The following AFF2 variants were observed in gnomAD, a reference collection of about 807,000 sequenced individuals.
AFF2 encodes AF4/FMR2 family member 2.
In AFF2, 14 loss-of-function variants were observed where a neutral mutation model predicts 76.9. That is an observed-to-expected ratio of 0.18 (90% CI 0.12 to 0.28). The LOEUF (loss-of-function observed/expected upper bound fraction) is 0.28, where lower values mean the gene tolerates loss of function less well. Among genes scored for constraint, AFF2 ranks in the 10% least tolerant of loss-of-function variants. The probability of loss-of-function intolerance (pLI) is 1.00; values close to 1 mark genes in which losing one functional copy is unlikely to be tolerated. For synonymous variants in AFF2, 398 were observed against 366.7 expected (o/e 1.09, Z -0.98); for missense variants, 868 against 1,001.1 (o/e 0.87, Z 1.79).
chrX:148,821,052 C>A (rs1557272498), intron 4 of AFF2, among the ~76,000 whole-genome samples: 2 of 110,453 alleles, frequency 1.8e-5, no homozygotes, highest in African/African-American at 6.6e-5. Context: ...TTGAGGGGCA[C>A]TTATAGAGGG....
chrX:148,736,156 T>C (rs1162450153), intron 3 of AFF2, among the ~76,000 whole-genome samples: 1 of 112,316 alleles, frequency 8.9e-6, no homozygotes, highest in Non-Finnish European at 1.9e-5. Flanking sequence ...CTGGATCAAA[T>C]GGTAGTTCTA....
intron 3 of AFF2, among the ~76,000 whole-genome samples, chrX:148,697,288 A>G (rs1338966452): frequency 1.8e-5 from 2 of 112,626 alleles, no homozygotes; most frequent in Non-Finnish European, 3.7e-5. Context: ...AATTTTTAAT[A>G]TACCAAATGT....
intron 3 of AFF2, 129 bp downstream of exon 3, chrX:148,662,897 G>A (rs2054322646): frequency 5.6e-6 from 4 of 710,345 alleles, no homozygotes; most frequent in Middle Eastern, 4.2e-4. Flanking sequence ...TTCAAGTTCA[G>A]GGTCTGAATT....
chrX:148,958,970 G>A (rs1337206636), intron 12 of AFF2, among the ~76,000 whole-genome samples: 2 of 97,457 alleles, frequency 2.1e-5, no homozygotes, highest in Non-Finnish European at 4.1e-5. Flanking sequence ...AGCTATGTCC[G>A]GAACTCCACA....
intron 1 of AFF2, among the ~76,000 whole-genome samples, chrX:148,577,332 T>C (rs2053301095): frequency 8.9e-6 from 1 of 112,312 alleles, no homozygotes; most frequent in East Asian, 2.8e-4. Context: ...AACCAGGCAA[T>C]AGCAAAAAGC....
intron 3 of AFF2, among the ~76,000 whole-genome samples, chrX:148,735,477 T>G (rs1307426069): frequency 8.9e-6 from 1 of 112,062 alleles, no homozygotes; most frequent in East Asian, 2.8e-4. Context: ...ATGAGAATAT[T>G]AAAATTTGTT....
intron 16 of AFF2, among the ~76,000 whole-genome samples, chrX:148,975,371 G>A (rs968906486): frequency 1.8e-5 from 2 of 112,176 alleles, no homozygotes; most frequent in African/African-American, 6.5e-5. Flanking sequence ...TACATAGTAG[G>A]ACACTCAACA....
At chrX:148,835,091 A>T (rs1379355517) in intron 4 of AFF2, among the ~76,000 whole-genome samples, 1 of 112,092 alleles carries the variant, frequency 8.9e-6, no homozygotes, top group Non-Finnish European at 1.9e-5. Context: ...AGATAATCAG[A>T]TTCTGCCTCC....
In AFF2 at chrX:148,665,783, G is replaced by A. The variant is rs1420281560; in HGVS notation, c.1041+3015G>A. ...CAGCCCCAGTTCCTGGCGCCAAGGA[G>A]TTTCAGGCACTAGGTTCCGGGTCTC... On this transcript the variant is annotated intron_variant, in intron 3 of 20. Transcript: ENST00000370460. 3.6e-5 allele frequency among the ~76,000 whole-genome samples: 4 copies of A among 112,000 alleles called. No individual in the cohort carries two copies. In the Admixed American group the frequency reaches 3.8e-4, roughly 11 times the overall value.
intron 1 of AFF2, among the ~76,000 whole-genome samples, chrX:148,579,705 G>A (rs2053332148): frequency 1.8e-5 from 2 of 111,948 alleles, no homozygotes; most frequent in African/African-American, 6.5e-5. Context: ...TGCATGCAGT[G>A]TGTGGAAACC....
intron 5 of AFF2, among the ~76,000 whole-genome samples, chrX:148,838,497 C>T (rs782431893): frequency 8.9e-5 from 10 of 111,797 alleles, no homozygotes; most frequent in Non-Finnish European, 1.7e-4. Context: ...GTATCTAACA[C>T]TCCCCTGGGG....
chrX:148,560,336 A>G (rs782390275), intron 1 of AFF2, among the ~76,000 whole-genome samples: 21 of 112,081 alleles, frequency 1.9e-4, no homozygotes, highest in Middle Eastern at 4.6e-3. Flanking sequence ...CCATATGCAG[A>G]AAACTGAAAC....
At chrX:148,911,493 G>A (rs1016464247) in intron 9 of AFF2, among the ~76,000 whole-genome samples, 1 of 111,428 alleles carries the variant, frequency 9.0e-6, no homozygotes, top group African/African-American at 3.3e-5. Flanking sequence ...AGAATAAAAG[G>A]CTCCAGCACC....
At chrX:148,580,069 C>G (rs1453982033) in intron 1 of AFF2, among the ~76,000 whole-genome samples, 1 of 112,036 alleles carries the variant, frequency 8.9e-6, no homozygotes, top group African/African-American at 3.2e-5. Context: ...TTGGTAAGAG[C>G]TCAGAGACTG....
At chrX:148,550,371 T>C (rs1191814190) in intron 1 of AFF2, among the ~76,000 whole-genome samples, 1 of 111,961 alleles carries the variant, frequency 8.9e-6, no homozygotes, top group African/African-American at 3.2e-5. Flanking sequence ...AACAGAGAAT[T>C]GCATCAGATT....
chrX:148,779,947 G>A (rs1449224754), intron 3 of AFF2, among the ~76,000 whole-genome samples: 1 of 111,877 alleles, frequency 8.9e-6, no homozygotes, highest in African/African-American at 3.3e-5. Context: ...GCCTGGTGGT[G>A]ACAAAATCCC....
At chrX:148,516,938 A>G (rs1175570409) in intron 1 of AFF2, among the ~76,000 whole-genome samples, 1 of 112,086 alleles carries the variant, frequency 8.9e-6, no homozygotes, top group Admixed American at 9.5e-5. Context: ...ACATCATTGA[A>G]TAGCTACATT....
chrX:148,574,274 T>C (rs2053261695), intron 1 of AFF2, among the ~76,000 whole-genome samples: 1 of 111,721 alleles, frequency 9.0e-6, no homozygotes, highest in South Asian at 3.7e-4. Context: ...TAAAAGCAGA[T>C]TATCTAATAT....
At chrX:148,922,522 G>T (rs1375288366) in intron 9 of AFF2, among the ~76,000 whole-genome samples, 1 of 112,018 alleles carries the variant, frequency 8.9e-6, no homozygotes, top group African/African-American at 3.2e-5. Flanking sequence ...GCACCATTTG[G>T]TCTTCATGGA....
Sources: gnomAD v4.1 joint callset for allele counts (sites outside exome capture counted in the v4.1 genomes callset) on GRCh38, gnomAD v4.1.1 for gene constraint, MANE v1.5 for transcripts, NCBI Gene and HGNC (gene_info 2026-07-23, HGNC 2026-07-21) for gene names.